The following TPCN2 variants were observed in gnomAD, a reference collection of about 807,000 sequenced individuals.
TPCN2 encodes the protein two pore channel protein 2.
A neutral mutation model predicts 111.4 loss-of-function variants in TPCN2; 92 were observed. The observed-to-expected ratio is 0.83, with a 90% CI of 0.70 to 0.98. The LOEUF (loss-of-function observed/expected upper bound fraction) is 0.98, where lower values mean the gene tolerates loss of function less well. TPCN2 is among the 50% of genes least tolerant of loss of function. The pLI is 0.00. For synonymous variants in TPCN2, 405 were observed against 414.5 expected, an observed-to-expected ratio of 0.98 and a Z score of 0.28; for missense variants, 995 against 980.1, an observed-to-expected ratio of 1.02 and a Z score of -0.20.
intron 12 of TPCN2, 91 bp from the exon 13 acceptor site, chr11:69,072,824 C>T (rs553846737): frequency 8.5e-6 from 13 of 1,525,590 alleles, no homozygotes; most frequent in South Asian, 7.9e-5. Flanking sequence ...ATTCACAGCC[C>T]GTCAGGGTGG....
At chr11:69,062,302 C>G (rs143787876) in intron 5 of TPCN2, among the ~76,000 whole-genome samples, 1 of 152,124 alleles carries the variant, frequency 6.6e-6, no homozygotes, top group Admixed American at 6.5e-5. Flanking sequence ...TCAGATTCAA[C>G]GTGAGATTTG....
At chr11:69,079,655 A>G in intron 16 of TPCN2, 179 bp from the exon 17 acceptor site, 1 of 582,218 alleles carries the variant, frequency 1.7e-6, no homozygotes. Context: ...GTGTCTTTCC[A>G]GCTGAAAGAA....
In TPCN2 at chr11:69,087,109, C is replaced by G; in HGVS notation, c.2086-3C>G. ...CTCACTGGCCACTCCTCCTGCTTGC[C>G]AGAACTTCCTTCACAAGTGGGACCC... On this transcript the variant is annotated splice_polypyrimidine_tract_variant and splice_region_variant and intron_variant, in intron 23 of 24. Coordinates refer to ENST00000294309, the MANE Select transcript of TPCN2 (RefSeq NM_139075.4). 5.0e-6 allele frequency: 8 copies of G among 1,613,662 alleles called. No homozygotes were observed. Among genetic ancestry groups the G allele is most frequent in the Non-Finnish European group, 6.8e-6 (8 of 1,179,700 alleles).
chr11:69,084,855 G>T, intron 19 of TPCN2: 3 of 965,390 alleles, frequency 3.1e-6, no homozygotes, highest in South Asian at 9.6e-5. Flanking sequence ...AGGGGACCAG[G>T]TTAGCCCAGG....
chr11:69,054,853 G>A (rs1437507189), intron 3 of TPCN2, 56 bp downstream of exon 3: 1 of 1,564,808 alleles, frequency 6.4e-7, no homozygotes, highest in Non-Finnish European at 8.8e-7. Flanking sequence ...TGGCAGGGGA[G>A]GCTGGCCCCC....
chr11:69,049,160 T>G (rs779419407), intron 1 of TPCN2, 54 bp downstream of exon 1: 523 of 1,105,880 alleles, frequency 4.7e-4, no homozygotes, highest in Non-Finnish European at 5.7e-4. Flanking sequence ...GGGTCGCGCG[T>G]GGGGGTCCCG....
intron 5 of TPCN2, among the ~76,000 whole-genome samples, chr11:69,060,307 G>A (rs1001419395): frequency 3.9e-5 from 6 of 152,206 alleles, no homozygotes; most frequent in African/African-American, 7.2e-5. Context: ...GTGTGTTTCC[G>A]GCTGGGCCGG....
rs559428794 is a variant in TPCN2, at chr11:69,068,238, C to CAGA, written c.829+633_829+634insAGA. Among the ~76,000 whole-genome samples, 458 of 152,268 alleles carry CAGA rather than the reference C, an allele frequency of 3.0e-3. 3 individuals carry two copies. The highest frequency in any genetic ancestry group is 4.3e-3 in the Non-Finnish European group (292 of 68,000). On this transcript the variant is annotated intron_variant, in intron 8 of 24. Transcript: ENST00000294309. ...GGACCCTGAGTGCTGTCTCTTGTGT[C>CAGA]CTCTGAGTCCTAGGAAGTGACCGCA...
intron 13 of TPCN2, among the ~76,000 whole-genome samples, chr11:69,075,286 T>C (rs1426214675): frequency 6.6e-6 from 1 of 152,214 alleles, no homozygotes; most frequent in Non-Finnish European, 1.5e-5. Flanking sequence ...TCTGCAGGGA[T>C]TGGTTCTAGG....
intron 8 of TPCN2, 74 bp downstream of exon 8, chr11:69,067,679 C>A: frequency 7.2e-7 from 1 of 1,396,702 alleles, no homozygotes; most frequent in Non-Finnish European, 1.0e-6. Context: ...GGCTGCTGAG[C>A]CTTAGAACCC....
chr11:69,085,151 G>A (rs1237935556), intron 19 of TPCN2, 59 bp from the exon 20 acceptor site: 5 of 1,464,338 alleles, frequency 3.4e-6, no homozygotes, highest in Non-Finnish European at 4.8e-6. Context: ...GTCTGGGGAG[G>A]GTGGTGGTGG....
At chr11:69,050,002 C>T (rs925739241) in intron 1 of TPCN2, among the ~76,000 whole-genome samples, 2 of 152,236 alleles carry the variant, frequency 1.3e-5, no homozygotes, top group Non-Finnish European at 2.9e-5. Context: ...CTCCTTCCCT[C>T]TCTGGCCTCT....
chr11:69,053,507 C>T (rs1419245176), intron 1 of TPCN2, among the ~76,000 whole-genome samples: 2 of 152,048 alleles, frequency 1.3e-5, no homozygotes, highest in African/African-American at 4.8e-5. Context: ...TGTCCTGGCT[C>T]ATGAAGACTG....
intron 18 of TPCN2, among the ~76,000 whole-genome samples, chr11:69,082,207 A>T (rs977988372): frequency 6.6e-6 from 1 of 152,216 alleles, no homozygotes; most frequent in African/African-American, 2.4e-5. Context: ...ATACGCACAC[A>T]CACGCGCACA....
intron 1 of TPCN2, 67 bp from the exon 2 acceptor site, chr11:69,053,966 C>T (rs916802470): frequency 3.3e-5 from 45 of 1,369,956 alleles, no homozygotes; most frequent in African/African-American, 4.3e-5. Flanking sequence ...TCCTTGATCA[C>T]GGGTATCCTG....
intron 22 of TPCN2, 25 bp downstream of exon 22, chr11:69,085,955 AGTGATTCTCC>A: frequency 6.2e-7 from 1 of 1,604,608 alleles, no homozygotes; most frequent in Non-Finnish European, 8.5e-7. Context: ...CCCTGACGGC[AGTGATTCTCC>A]GTGCAGCCTG....
At chr11:69,056,733 A>G (rs1384301823) in intron 4 of TPCN2, among the ~76,000 whole-genome samples, 1 of 151,816 alleles carries the variant, frequency 6.6e-6, no homozygotes, top group Non-Finnish European at 1.5e-5. Context: ...GGGTTTCACC[A>G]TGTTAGCCAG....
In TPCN2 at chr11:69,085,924, C is replaced by A. The variant is rs1297067988; in HGVS notation, c.1997C>A (p.Ser666Ter). Residue 666 changes from serine (S) to a stop codon, truncating the protein, a stop_gained, in exon 22 of 25, where the codon TCA becomes TAA. Coordinates refer to ENST00000294309, the MANE Select transcript of TPCN2 (RefSeq NM_139075.4). LOFTEE classifies it high-confidence loss of function. ...QVFLDAYRRY[S>*]GPWSKIYFVL... The stretch of plus-strand genomic sequence containing the variant: ...TTTCTGGATGCATATCGGCGCTACT[C>A]AGGCCCGTGAGTCCTCGTCTCCCTG... 1 of 1,613,914 alleles carries A rather than the reference C, an allele frequency of 6.2e-7. No homozygotes were observed. Among genetic ancestry groups the A allele is most frequent in the Non-Finnish European group, 8.5e-7 (1 of 1,179,846 alleles).
At chr11:69,051,346 A>G (rs1440777016) in intron 1 of TPCN2, among the ~76,000 whole-genome samples, 1 of 152,276 alleles carries the variant, frequency 6.6e-6, no homozygotes, top group Non-Finnish European at 1.5e-5. Context: ...AGAGGCTTTC[A>G]GAGTAACTGA....
Sources: gnomAD v4.1 joint callset for allele counts (sites outside exome capture counted in the v4.1 genomes callset) on GRCh38, gnomAD v4.1.1 for gene constraint, MANE v1.5 for transcripts, NCBI Gene and HGNC (gene_info 2026-07-23, HGNC 2026-07-21) for gene names.